PCDHGA8: variants seen among roughly 807,000 people sequenced by gnomAD.
The protein encoded by PCDHGA8 is protocadherin gamma subfamily A, 8.
Under a neutral mutation model 59.2 loss-of-function variants are expected in PCDHGA8, and 45 were observed. That is an observed-to-expected ratio of 0.76 (90% CI 0.60 to 0.98). The LOEUF (loss-of-function observed/expected upper bound fraction) is 0.98. Ranked by LOEUF, PCDHGA8 falls within the 50% of genes least tolerant of loss-of-function variation. The pLI, the probability that PCDHGA8 is intolerant of heterozygous loss-of-function variation, is 0.00. For missense variants in PCDHGA8, 1,257 were observed against 1,196.2 expected (o/e 1.05, Z -0.75); for synonymous variants, 531 against 519.0 (o/e 1.02, Z -0.32).
rs747087099 is a variant in PCDHGA8, at chr5:141,394,400, G to A, written c.1587G>A (p.Gln529=). ...ACTATGAGCAGATCCGAGACCTGCA[G>A]CTACTGGTAACAGCCAGCGACAGCG... ...SFDYEQIRDL[Q]LLVTASDSGD... The change falls in exon 1 of 4, where the codon CAG becomes CAA. Residue 529 remains glutamine, a synonymous_variant. Transcript: ENST00000398604. 1.2e-6 allele frequency: 2 copies of A among 1,614,246 alleles called. No homozygotes were observed. Among genetic ancestry groups the A allele is most frequent in the South Asian group, 2.2e-5 (2 of 91,080 alleles).
At chr5:141,451,124 A>T (rs2098707796) in intron 1 of PCDHGA8, among the ~76,000 whole-genome samples, 1 of 152,102 alleles carries the variant, frequency 6.6e-6, no homozygotes, top group Non-Finnish European at 1.5e-5. Context: ...CACCACACCC[A>T]GCCTTATGAT....
chr5:141,502,457 A>G lies in PCDHGA8; in HGVS notation c.2484-2936A>G, dbSNP rs950959171. 6.6e-5 allele frequency among the ~76,000 whole-genome samples: 10 copies of G among 151,926 alleles called. No individual in the cohort carries two copies. The South Asian group carries it at 1.7e-3, about 25-fold the overall frequency. On this transcript the variant is annotated intron_variant, in intron 2 of 3. Coordinates refer to ENST00000398604, the MANE Select transcript of PCDHGA8 (RefSeq NM_032088.2). The stretch of plus-strand genomic sequence containing the variant: ...TTAGATTCAGATTACACACCTTGGT[A>G]GGAATACTTCCCGCAGCATCACACT...
Position 141,486,824 on chromosome 5 carries a change from G to A in PCDHGA8, c.2425-7983G>A, listed in dbSNP as rs749609525. On this transcript the variant is annotated intron_variant, in intron 1 of 3. Coordinates refer to ENST00000398604, the MANE Select transcript of PCDHGA8 (RefSeq NM_032088.2). The surrounding 1 kb of genome is among the most constrained non-coding windows in gnomAD (Gnocchi z 5.0). ...CCCACCCCTTAGCAGCACTGTAACA[G>A]TTCGTCTATTTGTGCTGGACCTCAA... is the stretch of plus-strand genomic sequence containing the variant. 1 of 1,614,218 alleles carries A rather than the reference G, an allele frequency of 6.2e-7. No homozygotes were observed. Among genetic ancestry groups the A allele is most frequent in the Non-Finnish European group, 8.5e-7 (1 of 1,180,028 alleles).
At chr5:141,510,404 G>T (rs1596286932) in intron 3 of PCDHGA8, among the ~76,000 whole-genome samples, 2 of 152,252 alleles carry the variant, frequency 1.3e-5, no homozygotes, top group East Asian at 3.9e-4. Context: ...AAAGGCTAGG[G>T]GCATGTAAAG....
intron 1 of PCDHGA8, chr5:141,399,025 CAAAAG>C (rs750003738): frequency 6.8e-6 from 11 of 1,613,846 alleles, no homozygotes; most frequent in Admixed American, 5.0e-5. Context: ...AATTACCACT[CAAAAG>C]AAACTGGATT....
At chr5:141,449,282 G>A (rs1285842278) in intron 1 of PCDHGA8, among the ~76,000 whole-genome samples, 17 of 152,002 alleles carry the variant, frequency 1.1e-4, no homozygotes, top group Admixed American at 4.6e-4. Context: ...CCTTCACCCG[G>A]ATGCACCGGG....
At chr5:141,458,345 G>A (rs1161535708) in intron 1 of PCDHGA8, among the ~76,000 whole-genome samples, 2 of 152,112 alleles carry the variant, frequency 1.3e-5, no homozygotes, top group Non-Finnish European at 2.9e-5. Context: ...GGAGTGGAGA[G>A]TTTAATAAGC....
At chr5:141,503,178 T>C (rs988629461) in intron 2 of PCDHGA8, among the ~76,000 whole-genome samples, 56 of 151,998 alleles carry the variant, frequency 3.7e-4, no homozygotes, top group African/African-American at 1.3e-3. Flanking sequence ...TACTCTATTG[T>C]GTAATTATTT....
intron 2 of PCDHGA8, among the ~76,000 whole-genome samples, chr5:141,503,598 CAA>C (rs765754054): frequency 2.7e-4 from 18 of 65,718 alleles, no homozygotes; most frequent in Admixed American, 6.9e-4. Flanking sequence ...GACTCCAGCT[CAA>C]AAAAAAAAAA....
intron 1 of PCDHGA8, chr5:141,418,385 G>T: frequency 6.2e-7 from 1 of 1,613,930 alleles, no homozygotes; most frequent in Non-Finnish European, 8.5e-7. Context: ...AAGTCCTAAC[G>T]AGTATTTCTC....
intron 2 of PCDHGA8, among the ~76,000 whole-genome samples, chr5:141,498,277 G>T (rs1216561939): frequency 6.6e-6 from 1 of 151,924 alleles, no homozygotes; most frequent in African/African-American, 2.4e-5. Flanking sequence ...CAGTAAACTT[G>T]GTTCAAGATC....
rs777552488 is a variant in PCDHGA8 at position 141,393,440 on chromosome 5, C to T, written c.627C>T (p.His209=). The T allele has an allele frequency of 1.7e-5, 27 of 1,613,924 alleles. No individual in the cohort carries two copies. The highest frequency in any genetic ancestry group is 2.3e-5 in the Non-Finnish European group (27 of 1,179,920). The change falls in exon 1 of 4, where the codon CAC becomes CAT. Residue 209 remains histidine, a synonymous_variant. Transcript: ENST00000398604. ...ALDREEEAAH[H]LVLTASDGGK... ...ACAGGGAGGAAGAGGCTGCTCACCA[C>T]CTGGTCCTCACGGCCTCGGATGGCG...
chr5:141,400,650 C>T, intron 1 of PCDHGA8: 13 of 1,174,166 alleles, frequency 1.1e-5, no homozygotes, highest in Non-Finnish European at 1.6e-5. Context: ...AGAAAGCTGT[C>T]CTACCATTCT....
At chr5:141,427,901 G>T in intron 1 of PCDHGA8, 1 of 1,572,232 alleles carries the variant, frequency 6.4e-7, no homozygotes. Flanking sequence ...GCTCGCCCGC[G>T]CTCAGCGCCA....
At chr5:141,395,347 C>T in intron 1 of PCDHGA8, 110 bp downstream of exon 1, 1 of 1,392,780 alleles carries the variant, frequency 7.2e-7, no homozygotes, top group Non-Finnish European at 9.5e-7. Flanking sequence ...TAAGGTGTAT[C>T]ACAGAGTTTT....
chr5:141,480,122 C>T (rs576224922), intron 1 of PCDHGA8, among the ~76,000 whole-genome samples: 1 of 151,948 alleles, frequency 6.6e-6, no homozygotes, highest in African/African-American at 2.4e-5. Flanking sequence ...CCTGGCATAT[C>T]ATAACTGTTA....
At position 141,477,529 on chromosome 5, in the gene PCDHGA8, C is replaced by G; in HGVS notation, c.2425-17278C>G. ...ACGTTTACATTGAAGAAAACAACCT[C>G]CCCGGGGCTCCAATACTAAACCTAA... On this transcript the variant is annotated intron_variant, in intron 1 of 3. Transcript: ENST00000398604. The surrounding 1 kb of genome is among the most constrained non-coding windows in gnomAD (Gnocchi z 4.9). 6.2e-7 allele frequency: 1 copy of G among 1,614,172 alleles called. No homozygotes were observed. The highest frequency in any genetic ancestry group is 8.5e-7 in the Non-Finnish European group (1 of 1,180,032).
chr5:141,472,268 A>G (rs399559), intron 1 of PCDHGA8, among the ~76,000 whole-genome samples: 152,324 of 152,332 alleles, frequency 1, 76,158 homozygotes, highest in Middle Eastern at 1. Flanking sequence ...ATAGCCGGGC[A>G]CAGTGGCTCA....
At chr5:141,399,494 G>T in intron 1 of PCDHGA8, 1 of 1,614,032 alleles carries the variant, frequency 6.2e-7, no homozygotes, top group Non-Finnish European at 8.5e-7. Flanking sequence ...TACTTAGTCA[G>T]TGTACCCGAA....
Sources: gnomAD v4.1 joint callset for allele counts (sites outside exome capture counted in the v4.1 genomes callset) on GRCh38, gnomAD v4.1.1 for gene constraint, Gnocchi (gnomAD v3.1) non-coding constraint, MANE v1.5 for transcripts, NCBI Gene and HGNC (gene_info 2026-07-23, HGNC 2026-07-21) for gene names.